NPAS3: variants seen among roughly 807,000 people sequenced by gnomAD.
NPAS3 encodes the protein neuronal PAS domain protein 3, also known as neuronal PAS domain-containing protein 3.
Under a neutral mutation model 73.1 loss-of-function variants are expected in NPAS3, and 14 were observed. That is an observed-to-expected ratio of 0.19 (90% confidence interval 0.13 to 0.30). The LOEUF (loss-of-function observed/expected upper bound fraction) is 0.30. NPAS3 is among the 10% of genes least tolerant of loss of function. NPAS3 has a pLI of 1.00. For missense variants in NPAS3, 1,096 were observed against 1,250.0 expected, an observed-to-expected ratio of 0.88 and a Z score of 1.86; for synonymous variants, 620 against 541.5, an observed-to-expected ratio of 1.14 and a Z score of -2.01.
chr14:33,169,906 G>T (rs892184671), intron 2 of NPAS3, among the ~76,000 whole-genome samples: 4 of 152,180 alleles, frequency 2.6e-5, no homozygotes, highest in African/African-American at 9.7e-5. Context: ...GGTCACAGCA[G>T]CTTATCTGGA....
At chr14:33,064,796 T>G (rs774818219) in intron 2 of NPAS3, among the ~76,000 whole-genome samples, 5 of 152,216 alleles carry the variant, frequency 3.3e-5, no homozygotes, top group Non-Finnish European at 5.9e-5. Context: ...CCTTGTAGTC[T>G]TCTATACAAT....
intron 6 of NPAS3, among the ~76,000 whole-genome samples, chr14:33,731,633 GAA>G: frequency 1.3e-5 from 2 of 152,134 alleles, no homozygotes; most frequent in East Asian, 3.9e-4. Flanking sequence ...ATAACAAGGG[GAA>G]CAGCAACCAC....
intron 2 of NPAS3, among the ~76,000 whole-genome samples, chr14:33,136,343 G>A (rs1176570854): frequency 1.3e-5 from 2 of 152,072 alleles, no homozygotes; most frequent in Non-Finnish European, 2.9e-5. Context: ...ACAGGTGTGA[G>A]CCACTGCGCC....
chr14:33,684,419 C>T (rs2060030718), intron 6 of NPAS3, among the ~76,000 whole-genome samples: 1 of 152,050 alleles, frequency 6.6e-6, no homozygotes, highest in Non-Finnish European at 1.5e-5. Flanking sequence ...TCAAGTGATT[C>T]TCCTGCCTCA....
chr14:33,462,663 T>A (rs748032471), intron 4 of NPAS3, among the ~76,000 whole-genome samples: 5 of 152,174 alleles, frequency 3.3e-5, no homozygotes, highest in African/African-American at 7.2e-5. Flanking sequence ...AACACACATA[T>A]GCCAAATTGT....
At chr14:33,589,161 A>G (rs2056973003) in intron 5 of NPAS3, among the ~76,000 whole-genome samples, 2 of 152,332 alleles carry the variant, frequency 1.3e-5, no homozygotes, top group East Asian at 3.9e-4. Flanking sequence ...TGTCAGGCTT[A>G]TAACTAAAGG....
intron 5 of NPAS3, among the ~76,000 whole-genome samples, chr14:33,633,280 C>A (rs562070115): frequency 6.6e-6 from 1 of 151,870 alleles, no homozygotes; most frequent in Admixed American, 6.6e-5. Context: ...TTGATGCCCT[C>A]GAATGCAAAC....
chr14:33,672,361 C>G (rs557518167), intron 5 of NPAS3, among the ~76,000 whole-genome samples: 184 of 152,270 alleles, frequency 1.2e-3, no homozygotes, highest in African/African-American at 4.1e-3. Context: ...TTTTCCAAAT[C>G]AAGTACAAGT....
chr14:33,704,677 T>C (rs2060610257), intron 6 of NPAS3, among the ~76,000 whole-genome samples: 1 of 152,186 alleles, frequency 6.6e-6, no homozygotes, highest in Non-Finnish European at 1.5e-5. Flanking sequence ...TCCACATGAC[T>C]AGCTTGCCAG....
At chr14:32,949,581 A>G (rs1400933660) in intron 1 of NPAS3, among the ~76,000 whole-genome samples, 4 of 152,208 alleles carry the variant, frequency 2.6e-5, no homozygotes, top group Non-Finnish European at 5.9e-5. Flanking sequence ...AGAATGAACT[A>G]GATGAAAGTA....
chr14:33,176,161 A>C (rs542260451), intron 2 of NPAS3, among the ~76,000 whole-genome samples: 1 of 152,214 alleles, frequency 6.6e-6, no homozygotes, highest in Non-Finnish European at 1.5e-5. Flanking sequence ...AAATTATGCC[A>C]GAGAACAACC....
chr14:33,192,333 G>A (rs546505438), intron 2 of NPAS3, among the ~76,000 whole-genome samples: 1 of 152,260 alleles, frequency 6.6e-6, no homozygotes, highest in East Asian at 1.9e-4. Flanking sequence ...ACCGTAAAAG[G>A]AAGAAACCAT....
chr14:32,970,507 T>C (rs528685141), intron 1 of NPAS3, among the ~76,000 whole-genome samples: 70 of 152,316 alleles, frequency 4.6e-4, no homozygotes, highest in African/African-American at 1.6e-3. Flanking sequence ...AAAGTAATTA[T>C]TAAAAATAAT....
intron 4 of NPAS3, among the ~76,000 whole-genome samples, chr14:33,475,658 A>G (rs542674092): frequency 1.3e-5 from 2 of 151,876 alleles, no homozygotes; most frequent in African/African-American, 4.8e-5. Context: ...AGCCGTTGCT[A>G]TATGTTTTGT....
In NPAS3 at chr14:33,480,380, C is replaced by T. The variant is rs563051819; in HGVS notation, c.469-79741C>T. Among the ~76,000 whole-genome samples, 4 of 152,144 alleles carry T rather than the reference C, an allele frequency of 2.6e-5. No individual in the cohort carries two copies. The South Asian group carries it at 6.2e-4, about 24-fold the overall frequency. On this transcript the variant is annotated intron_variant, in intron 4 of 11. Transcript: ENST00000356141. ...ATGCGCTGCTATCATGGCCTTTAGG[C>T]AATCTTCCATAAGGCAAGTTACAGT...
At chr14:32,963,539 A>G (rs568726030) in intron 1 of NPAS3, among the ~76,000 whole-genome samples, 1 of 152,228 alleles carries the variant, frequency 6.6e-6, no homozygotes, top group Non-Finnish European at 1.5e-5. Context: ...AGGAGGGTAG[A>G]TCGCAATCCC....
chr14:33,668,207 C>T (rs558256917), intron 5 of NPAS3, among the ~76,000 whole-genome samples: 10 of 152,058 alleles, frequency 6.6e-5, no homozygotes, highest in South Asian at 2.1e-4. Flanking sequence ...TGTTTTTTCG[C>T]GCAACAGTAT....
At position 33,438,056 on chromosome 14, in the gene NPAS3, C is replaced by T. The variant is rs559737408; in HGVS notation, c.468+70788C>T. ...TTGAAGTGCTGAAAATACACTGTAT[C>T]GCGTTTGGAAAATAATATATGTATG... On this transcript the variant is annotated intron_variant, in intron 4 of 11. Coordinates refer to ENST00000356141, the Ensembl canonical transcript of NPAS3. Among the ~76,000 whole-genome samples, 11 of 152,134 alleles carry T rather than the reference C, an allele frequency of 7.2e-5. No individual in the cohort carries two copies. The South Asian group carries it at 1.9e-3, about 26-fold the overall frequency.
intron 5 of NPAS3, among the ~76,000 whole-genome samples, chr14:33,601,371 G>T (rs752242232): frequency 2.6e-5 from 4 of 152,240 alleles, no homozygotes; most frequent in Non-Finnish European, 5.9e-5. Context: ...TCTGAACACA[G>T]CCCTTGATTC....
Sources: gnomAD v4.1 joint callset for allele counts (sites outside exome capture counted in the v4.1 genomes callset) on GRCh38, gnomAD v4.1.1 for gene constraint, MANE v1.5 for transcripts, NCBI Gene and HGNC (gene_info 2026-07-23, HGNC 2026-07-21) for gene names.